The following BLOC1S5 variants were observed in gnomAD, a reference collection of about 807,000 sequenced individuals.
The protein encoded by BLOC1S5 is biogenesis of lysosome-related organelles complex 1 subunit 5.
In BLOC1S5, 27 loss-of-function variants were observed where a neutral mutation model predicts 24.3. The ratio of observed to expected loss-of-function variants is 1.11; its 90% CI spans 0.82 to 1.53. The LOEUF is 1.53. Among genes scored for constraint, BLOC1S5 ranks in the 40% most tolerant of loss-of-function variants. The pLI is 0.00. For missense variants in BLOC1S5, 239 were observed against 229.4 expected (o/e 1.04, Z -0.27); for synonymous variants, 84 against 74.5 (o/e 1.13, Z -0.66).
chr6:8,064,201 G>A (rs1757367363), intron 1 of BLOC1S5, 64 bp downstream of exon 1: 3 of 1,408,374 alleles, frequency 2.1e-6, no homozygotes, highest in African/African-American at 1.5e-5. Flanking sequence ...GGGTCAGAGG[G>A]CGCCGCCTGG....
chr6:8,026,371 T>A lies in BLOC1S5; in HGVS notation c.380A>T (p.Lys127Ile). ...ATTATCTAAATGATCTTTTACCTTT[T>A]TTCGTTCCTGTTCCCTCTGTTGGAG... ...CRLQQREQER[K>I]KIHSDHLVAS... Residue 127 changes from lysine to isoleucine, a missense_variant, in exon 4 of 5, where the codon AAA (lysine) becomes ATA (isoleucine). Physicochemically the swap from Lys to Ile is moderately radical, Grantham distance 102. Transcript: ENST00000397457. The A allele has an allele frequency of 6.2e-7, 1 of 1,607,880 alleles. No homozygotes were observed. The highest frequency in any genetic ancestry group is 8.5e-7 in the Non-Finnish European group (1 of 1,174,612).
intron 2 of BLOC1S5, among the ~76,000 whole-genome samples, chr6:8,056,857 G>A (rs1468595359): frequency 2.0e-5 from 3 of 152,188 alleles, no homozygotes; most frequent in African/African-American, 7.2e-5. Flanking sequence ...AGGCAAACGG[G>A]TAGTTACACA....
rs1554138582 is a variant in BLOC1S5, at chr6:8,035,345, C to CCTT, written c.325+5793_325+5794insAAG. Among the ~76,000 whole-genome samples the CCTT allele has an allele frequency of 7.5e-4, 57 of 75,602 alleles. 1 individual carries two copies. Among genetic ancestry groups the CCTT allele is most frequent in the Non-Finnish European group, 1.2e-3 (44 of 35,874 alleles). 49.6% of individuals were successfully genotyped at this position (75,602 alleles called of 152,430 possible). On this transcript the variant is annotated intron_variant, in intron 3 of 4. Coordinates refer to ENST00000397457, the MANE Select transcript of BLOC1S5 (RefSeq NM_201280.3). The stretch of plus-strand genomic sequence containing the variant: ...AAAATTTTCAAAAAGGAATAAAAAT[C>CCTT]TTTTTTTTTTTTTTAAAAAAAAGGC...
intron 4 of BLOC1S5, among the ~76,000 whole-genome samples, chr6:8,022,985 A>G (rs549892902): frequency 6.9e-4 from 105 of 152,350 alleles, no homozygotes; most frequent in Non-Finnish European, 1.3e-3. Flanking sequence ...TTTGTGGACA[A>G]GGTGAATTAA....
intron 3 of BLOC1S5, among the ~76,000 whole-genome samples, chr6:8,035,729 A>G (rs1172475119): frequency 1.3e-5 from 2 of 152,202 alleles, no homozygotes; most frequent in African/African-American, 4.8e-5. Context: ...TGGAACTCCC[A>G]AGTACATACA....
In BLOC1S5 at chr6:8,043,274, T is replaced by C. The variant is rs546253901; in HGVS notation, c.196-2006A>G. 3.9e-5 allele frequency among the ~76,000 whole-genome samples: 6 copies of C among 152,290 alleles called. No homozygotes were observed. The East Asian group carries it at 5.8e-4, about 15-fold the overall frequency. ...GGGAAAGGGAAAAATATTAACATTA[T>C]AGTAGAGAAAACTAGCAACATGATA... On this transcript the variant is annotated intron_variant, in intron 2 of 4. Coordinates refer to ENST00000397457, the MANE Select transcript of BLOC1S5 (RefSeq NM_201280.3).
intron 3 of BLOC1S5, among the ~76,000 whole-genome samples, chr6:8,028,462 G>A (rs768942632): frequency 1.1e-4 from 17 of 151,550 alleles, no homozygotes; most frequent in South Asian, 2.1e-4. Context: ...CATTTCCTGC[G>A]TTGTTTTTTT....
chr6:8,042,288 T>G (rs530881962), intron 2 of BLOC1S5, among the ~76,000 whole-genome samples: 1 of 152,348 alleles, frequency 6.6e-6, no homozygotes, highest in South Asian at 2.1e-4. Flanking sequence ...GCTATATTTT[T>G]TATCTGATTC....
intron 4 of BLOC1S5, among the ~76,000 whole-genome samples, chr6:8,020,604 G>A (rs754486646): frequency 6.6e-6 from 1 of 152,178 alleles, no homozygotes. Flanking sequence ...CAAATCTGGA[G>A]GGAGAGCCCC....
intron 2 of BLOC1S5, among the ~76,000 whole-genome samples, chr6:8,043,699 T>C (rs1763772112): frequency 6.6e-6 from 1 of 152,216 alleles, no homozygotes; most frequent in African/African-American, 2.4e-5. Flanking sequence ...TGTATCAATG[T>C]TGGTTTCTTA....
chr6:8,029,152 C>T (rs950508994), intron 3 of BLOC1S5, among the ~76,000 whole-genome samples: 1 of 152,166 alleles, frequency 6.6e-6, no homozygotes, highest in Non-Finnish European at 1.5e-5. Context: ...AATTTCACAA[C>T]TTGCAGTTCC....
In BLOC1S5 at chr6:8,041,118, A is replaced by T. The variant is rs1306391923; in HGVS notation, c.325+21T>A. 5 of 1,558,500 alleles carry T rather than the reference A, an allele frequency of 3.2e-6. No homozygotes were observed. The South Asian group carries it at 4.8e-5, about 15-fold the overall frequency. Reference sequence around the variant, plus strand: ...CATTCATTTGAAATGAAAAGCAATTAAAAAAGAATTGCTGACTCACATCTC... The same window carrying T: ...CATTCATTTGAAATGAAAAGCAATTTAAAAAGAATTGCTGACTCACATCTC... On this transcript the variant is annotated intron_variant, in intron 3 of 4. Transcript: ENST00000397457.
intron 3 of BLOC1S5, among the ~76,000 whole-genome samples, chr6:8,031,706 T>A (rs1321738535): frequency 6.6e-6 from 1 of 152,124 alleles, no homozygotes; most frequent in African/African-American, 2.4e-5. Context: ...TCACACTACC[T>A]GACTTCAAAC....
intron 2 of BLOC1S5, among the ~76,000 whole-genome samples, chr6:8,055,872 G>C (rs1764286810): frequency 6.6e-6 from 1 of 152,168 alleles, no homozygotes; most frequent in Non-Finnish European, 1.5e-5. Flanking sequence ...TAGTTTGAAT[G>C]TATCCCCCAA....
At chr6:8,044,087 G>A (rs563807030) in intron 2 of BLOC1S5, among the ~76,000 whole-genome samples, 1 of 152,126 alleles carries the variant, frequency 6.6e-6, no homozygotes, top group Non-Finnish European at 1.5e-5. Context: ...TTTGAGACAA[G>A]CCTGGCCAAC....
At chr6:8,047,791 T>A (rs1324199532) in intron 2 of BLOC1S5, among the ~76,000 whole-genome samples, 1 of 152,172 alleles carries the variant, frequency 6.6e-6, no homozygotes, top group Admixed American at 6.5e-5. Flanking sequence ...TGTTTTTTGT[T>A]TGCAAGAATT....
intron 2 of BLOC1S5, among the ~76,000 whole-genome samples, chr6:8,054,729 G>A (rs944595854): frequency 6.6e-6 from 1 of 152,216 alleles, no homozygotes; most frequent in Non-Finnish European, 1.5e-5. Context: ...CTATCTTAGC[G>A]TTGTCTGTTC....
rs78306851 is a variant in BLOC1S5 at position 8,017,215 on chromosome 6, A to C, written c.385-1387T>G. On this transcript the variant is annotated intron_variant, in intron 4 of 4. Coordinates refer to ENST00000397457, the MANE Select transcript of BLOC1S5 (RefSeq NM_201280.3). ...TCTACATGTATGTCATTAGCAGTTAAGTTTTGATACAGATTAGGTTCTATT... is the reference window on the plus strand; with the variant it reads ...TCTACATGTATGTCATTAGCAGTTACGTTTTGATACAGATTAGGTTCTATT... Among the ~76,000 whole-genome samples, 9 of 152,342 alleles carry C rather than the reference A, an allele frequency of 5.9e-5. 1 individual carries two copies. Among genetic ancestry groups the C allele is most frequent in the African/African-American group, 2.2e-4 (9 of 41,574 alleles).
At chr6:8,036,518 G>A (rs923804365) in intron 3 of BLOC1S5, among the ~76,000 whole-genome samples, 1 of 152,080 alleles carries the variant, frequency 6.6e-6, no homozygotes, top group African/African-American at 2.4e-5. Flanking sequence ...TAACAAGGTT[G>A]AAGCCATGAT....
Sources: gnomAD v4.1 joint callset for allele counts (sites outside exome capture counted in the v4.1 genomes callset) on GRCh38, gnomAD v4.1.1 for gene constraint, MANE v1.5 for transcripts, NCBI Gene and HGNC (gene_info 2026-07-23, HGNC 2026-07-21) for gene names.